Variants in SPOCK3 observed in about 807,000 individuals in gnomAD.
The protein encoded by SPOCK3 is SPARC (osteonectin), cwcv and kazal like domains proteoglycan 3, also known as testican-3.
In SPOCK3, 30 loss-of-function variants were observed where a neutral mutation model predicts 56.6. The ratio of observed to expected loss-of-function variants is 0.53; its 90% CI spans 0.40 to 0.72. The LOEUF is 0.72. Ranked by LOEUF, SPOCK3 falls within the 30% of genes least tolerant of loss-of-function variation. The pLI, the probability that SPOCK3 is intolerant of heterozygous loss-of-function variation, is 0.00. For synonymous variants in SPOCK3, 196 were observed against 183.3 expected (o/e 1.07, Z -0.56); for missense variants, 527 against 530.0 (o/e 0.99, Z 0.06).
chr4:166,769,342 T>C (rs576737438), intron 7 of SPOCK3, among the ~76,000 whole-genome samples: 2 of 142,590 alleles, frequency 1.4e-5, no homozygotes, highest in African/African-American at 5.1e-5. Flanking sequence ...TCTTTGATGA[T>C]GGTGACGTAC....
chr4:166,825,604 C>G (rs1409875698), intron 6 of SPOCK3, among the ~76,000 whole-genome samples: 1 of 151,996 alleles, frequency 6.6e-6, no homozygotes, highest in East Asian at 1.9e-4. Context: ...TATAGCGGCA[C>G]AATTCACAAT....
intron 2 of SPOCK3, among the ~76,000 whole-genome samples, chr4:167,165,752 C>T (rs1314283098): frequency 6.6e-6 from 1 of 151,892 alleles, no homozygotes; most frequent in Non-Finnish European, 1.5e-5. Context: ...GTGAGAGAGG[C>T]CTGTTGAGCA....
At chr4:166,829,692 G>T (rs1054145718) in intron 6 of SPOCK3, among the ~76,000 whole-genome samples, 1 of 151,916 alleles carries the variant, frequency 6.6e-6, no homozygotes, top group Non-Finnish European at 1.5e-5. Flanking sequence ...TAAACAAACA[G>T]GACTTATTGA....
intron 2 of SPOCK3, among the ~76,000 whole-genome samples, chr4:167,167,704 A>C (rs1381565373): frequency 1.3e-5 from 2 of 152,194 alleles, no homozygotes; most frequent in Non-Finnish European, 2.9e-5. Flanking sequence ...TCCAGTATCA[A>C]GTAGTTGAGA....
At chr4:167,132,906 T>G (rs956126119) in intron 2 of SPOCK3, among the ~76,000 whole-genome samples, 1 of 152,194 alleles carries the variant, frequency 6.6e-6, no homozygotes, top group Non-Finnish European at 1.5e-5. Context: ...GTCCTTAATG[T>G]CATCTGCTAA....
At chr4:167,035,906 C>T (rs1245259968) in intron 3 of SPOCK3, among the ~76,000 whole-genome samples, 1 of 152,080 alleles carries the variant, frequency 6.6e-6, no homozygotes, top group Admixed American at 6.6e-5. Flanking sequence ...ATTAGCAATT[C>T]TGTTCCAATG....
At chr4:166,755,805 G>A (rs59405957) in intron 7 of SPOCK3, among the ~76,000 whole-genome samples, 37,160 of 132,402 alleles carry the variant, frequency 0.28, 5,522 homozygotes, top group African/African-American at 0.44. Context: ...AATCTATTTT[G>A]ATAGTTTTTT....
At chr4:167,185,581 TC>T (rs1212859455) in intron 2 of SPOCK3, among the ~76,000 whole-genome samples, 1 of 152,190 alleles carries the variant, frequency 6.6e-6, no homozygotes, top group African/African-American at 2.4e-5. Context: ...ATAAATGCCA[TC>T]TGCTGTGTGG....
intron 6 of SPOCK3, among the ~76,000 whole-genome samples, chr4:166,877,914 A>G (rs540362544): frequency 8.5e-5 from 13 of 152,314 alleles, no homozygotes; most frequent in African/African-American, 2.4e-4. Flanking sequence ...CATTAAGTAA[A>G]TCATCTATTG....
chr4:166,844,523 T>C (rs760997189), intron 6 of SPOCK3, among the ~76,000 whole-genome samples: 1 of 152,144 alleles, frequency 6.6e-6, no homozygotes, highest in Non-Finnish European at 1.5e-5. Flanking sequence ...TTGAGCCTCG[T>C]CCAATCAGCT....
At chr4:167,079,772 G>GT (rs1451494330) in intron 2 of SPOCK3, among the ~76,000 whole-genome samples, 1 of 151,964 alleles carries the variant, frequency 6.6e-6, no homozygotes, top group Non-Finnish European at 1.5e-5. Context: ...ATTTTATGGT[G>GT]TTGGCAACTG....
intron 4 of SPOCK3, among the ~76,000 whole-genome samples, chr4:166,995,808 A>G (rs1748306099): frequency 6.6e-6 from 1 of 152,146 alleles, no homozygotes; most frequent in Non-Finnish European, 1.5e-5. Context: ...TTATTAATAC[A>G]GTCATATTCC....
At chr4:166,860,620 C>T (rs939384521) in intron 6 of SPOCK3, among the ~76,000 whole-genome samples, 11 of 151,296 alleles carry the variant, frequency 7.3e-5, no homozygotes, top group Non-Finnish European at 1.6e-4. Flanking sequence ...ATATATCATA[C>T]ACACATTCAA....
At chr4:166,747,645 C>A (rs995490292) in intron 8 of SPOCK3, among the ~76,000 whole-genome samples, 4 of 152,026 alleles carry the variant, frequency 2.6e-5, no homozygotes, top group African/African-American at 7.3e-5. Context: ...GGCAATCAGG[C>A]AGGAGAAGGA....
At chr4:166,782,932 T>C (rs894709195) in intron 7 of SPOCK3, among the ~76,000 whole-genome samples, 1 of 152,214 alleles carries the variant, frequency 6.6e-6, no homozygotes, top group Non-Finnish European at 1.5e-5. Context: ...AGAAAATATT[T>C]GCAACACAAT....
intron 2 of SPOCK3, among the ~76,000 whole-genome samples, chr4:167,068,892 C>A (rs1010759807): frequency 6.6e-6 from 1 of 151,812 alleles, no homozygotes; most frequent in African/African-American, 2.4e-5. Flanking sequence ...GAAGAGAAAA[C>A]AAATAAATCT....
rs188932527 is a variant in SPOCK3, at chr4:166,938,776, C to G, written c.351-26033G>C. On this transcript the variant is annotated intron_variant, in intron 4 of 10. Transcript: ENST00000357545. ...CTAGTTAAATAAAAGAATAATCATA[C>G]TATACATATATAGTAATCATATAGT... Among the ~76,000 whole-genome samples the G allele has an allele frequency of 3.3e-5, 5 of 152,076 alleles. No individual in the cohort carries two copies. In the East Asian group the frequency reaches 9.7e-4, roughly 29 times the overall value.
At chr4:166,769,928 G>A (rs11938352) in intron 7 of SPOCK3, among the ~76,000 whole-genome samples, 69,611 of 151,834 alleles carry the variant, frequency 0.46, 16,448 homozygotes, top group African/African-American at 0.51. Context: ...CTTGCAGTTC[G>A]ATGTCAGACA....
intron 2 of SPOCK3, among the ~76,000 whole-genome samples, chr4:167,180,626 T>C (rs764446166): frequency 6.6e-6 from 1 of 152,212 alleles, no homozygotes; most frequent in Non-Finnish European, 1.5e-5. Flanking sequence ...TTGCAGCATT[T>C]ATATTTTAGA....
Sources: gnomAD v4.1 joint callset for allele counts (sites outside exome capture counted in the v4.1 genomes callset) on GRCh38, gnomAD v4.1.1 for gene constraint, MANE v1.5 for transcripts, NCBI Gene and HGNC (gene_info 2026-07-23, HGNC 2026-07-21) for gene names.